The following ZNF808 variants were observed in gnomAD, a reference collection of about 807,000 sequenced individuals.
ZNF808 encodes the protein zinc finger protein 808.
Under a neutral mutation model 8.7 loss-of-function variants are expected in ZNF808, and 5 were observed. That is an observed-to-expected ratio of 0.58 (90% CI 0.30 to 1.21). The LOEUF (loss-of-function observed/expected upper bound fraction) is 1.21. Ranked by LOEUF, ZNF808 falls within the 50% of genes most tolerant of loss-of-function variation. ZNF808 has a pLI of 0.07. For synonymous variants in ZNF808, 380 were observed against 366.0 expected (o/e 1.04, Z -0.44); for missense variants, 1,103 against 1,098.4 (o/e 1.00, Z -0.06).
chr19:52,536,958 G>A (rs570938691), intron 2 of ZNF808, among the ~76,000 whole-genome samples: 1 of 151,768 alleles, frequency 6.6e-6, no homozygotes, highest in African/African-American at 2.4e-5. Context: ...AAGCTTAGGC[G>A]GGCGGATCAC....
intron 2 of ZNF808, among the ~76,000 whole-genome samples, chr19:52,535,054 G>A (rs1468481495): frequency 6.6e-6 from 1 of 151,442 alleles, no homozygotes; most frequent in Admixed American, 6.6e-5. Context: ...AAAAAAGGCT[G>A]GGCGGGGTGG....
chr19:52,553,332 C>G lies in ZNF808; in HGVS notation c.416C>G (p.Thr139Arg), dbSNP rs1179969542. 3 of 1,613,922 alleles carry G rather than the reference C, an allele frequency of 1.9e-6. No individual in the cohort carries two copies. The highest frequency in any genetic ancestry group is 2.5e-6 in the Non-Finnish European group (3 of 1,179,964). The change falls in exon 5 of 5, where the codon ACA (threonine) becomes AGA (arginine). Residue 139 changes from threonine (T) to arginine (R), a missense_variant. Transcript: ENST00000359798. ...AAAATAAAAAAGTTGACTGGTAGCA[C>G]AGACCAACATGATCACAGGCATGCT... ...TTKIKKLTGS[T>R]DQHDHRHAGN...
downstream of ZNF808, among the ~76,000 whole-genome samples, chr19:52,566,734 T>C (rs1334986375): frequency 6.6e-6 from 1 of 152,070 alleles, no homozygotes; most frequent in African/African-American, 2.4e-5. Flanking sequence ...GTGACAAAGT[T>C]CAAGTCCATT....
At chr19:52,533,659 G>A (rs1166616432) in intron 2 of ZNF808, among the ~76,000 whole-genome samples, 13 of 151,434 alleles carry the variant, frequency 8.6e-5, no homozygotes, top group South Asian at 2.1e-4. Context: ...GTTCGACACC[G>A]CCTGACAAAC....
At chr19:52,560,906 T>C (rs73578252), downstream of ZNF808, among the ~76,000 whole-genome samples, 12,389 of 152,166 alleles carry the variant, frequency 0.081, 554 homozygotes, top group Middle Eastern at 0.16. Flanking sequence ...TTCCAGCCTA[T>C]TGATTTTGTA....
intron 4 of ZNF808, among the ~76,000 whole-genome samples, chr19:52,550,746 C>T (rs977146907): frequency 6.6e-6 from 1 of 152,106 alleles, no homozygotes; most frequent in Admixed American, 6.6e-5. Context: ...GTCTTGAACT[C>T]CCAACCTCAG....
chr19:52,546,962 T>C (rs1034376870), intron 3 of ZNF808, among the ~76,000 whole-genome samples: 1 of 149,896 alleles, frequency 6.7e-6, no homozygotes, highest in African/African-American at 2.5e-5. Flanking sequence ...TTTTTTTTTT[T>C]TTTTAGATGG....
intron 1 of ZNF808, among the ~76,000 whole-genome samples, chr19:52,528,781 G>T (rs1006264073): frequency 7.9e-5 from 12 of 152,080 alleles, no homozygotes; most frequent in Admixed American, 7.2e-4. Flanking sequence ...TCAGGGAAGA[G>T]AGAATTTAAC....
chr19:52,528,956 A>T (rs993493071), intron 1 of ZNF808, among the ~76,000 whole-genome samples: 3 of 151,982 alleles, frequency 2.0e-5, no homozygotes, highest in African/African-American at 7.3e-5. Context: ...GGGGATAAAC[A>T]GCAGAAGAGA....
chr19:52,546,571 C>G (rs2059722321), intron 3 of ZNF808, among the ~76,000 whole-genome samples: 1 of 151,354 alleles, frequency 6.6e-6, no homozygotes, highest in South Asian at 2.1e-4. Context: ...CTTAGTTCAT[C>G]TAGAGACTAA....
downstream of ZNF808, among the ~76,000 whole-genome samples, chr19:52,564,925 C>A (rs997549061): frequency 2.0e-5 from 3 of 151,806 alleles, no homozygotes; most frequent in Admixed American, 6.6e-5. Context: ...TCTCTACTAA[C>A]AATACAAAAA....
exon 4 of ZNF808, chr19:52,564,062 CT>C (rs757951385): frequency 6.4e-6 from 4 of 623,364 alleles, no homozygotes; most frequent in Non-Finnish European, 1.2e-5. Flanking sequence ...GTGTGCTTGA[CT>C]CCACTTCTTG....
chr19:52,536,745 G>A (rs1268921988), intron 2 of ZNF808, among the ~76,000 whole-genome samples: 1 of 152,156 alleles, frequency 6.6e-6, no homozygotes, highest in Non-Finnish European at 1.5e-5. Context: ...GAGGACACCG[G>A]GGGATCTGGG....
At chr19:52,560,823 C>G (rs539939302), downstream of ZNF808, among the ~76,000 whole-genome samples, 36 of 152,136 alleles carry the variant, frequency 2.4e-4, no homozygotes, top group Non-Finnish European at 4.3e-4. Context: ...CCATTCCTGC[C>G]CTCCACCCTT....
Position 52,554,601 on chromosome 19 carries a change from C to T in ZNF808, c.1685C>T (p.Thr562Ile). The change falls in exon 5 of 5, where the codon ACT becomes ATT. Residue 562 changes from threonine (T) to isoleucine (I), a missense_variant. Physicochemically the swap from Thr to Ile is moderately conservative, Grantham distance 89. Coordinates refer to ENST00000359798, the MANE Select transcript of ZNF808 (RefSeq NM_001039886.4). ...CTGGCTGTACATACTAGAATTCACA[C>T]TGCAAAGAAACCTTACAAGTGTAAT... is the stretch of plus-strand genomic sequence containing the variant. ...SVLAVHTRIH[T>I]AKKPYKCNEC... The T allele has an allele frequency of 6.2e-7, 1 of 1,613,588 alleles. No individual in the cohort carries two copies. The highest frequency in any genetic ancestry group is 8.5e-7 in the Non-Finnish European group (1 of 1,179,752).
At chr19:52,568,338 C>A (rs1352818479), downstream of ZNF808, among the ~76,000 whole-genome samples, 1 of 152,252 alleles carries the variant, frequency 6.6e-6, no homozygotes, top group Non-Finnish European at 1.5e-5. Context: ...CACATCACTG[C>A]ATTCCAGCCT....
chr19:52,544,131 C>T (rs2059698838), intron 3 of ZNF808, among the ~76,000 whole-genome samples: 1 of 152,020 alleles, frequency 6.6e-6, no homozygotes, highest in South Asian at 2.1e-4. Context: ...TGCACTCCAG[C>T]CTGGGAGATG....
In ZNF808 at chr19:52,555,826, A is replaced by G. The variant is rs2059831446; in HGVS notation, c.*198A>G. On this transcript the variant is annotated 3_prime_UTR_variant, in exon 5 of 5. Transcript: ENST00000359798. The stretch of plus-strand genomic sequence containing the variant: ...ATGATTGAGGCAAGGTCTTCAGTCA[A>G]GCTTCATCCTATGCAAAACAGGAGA... 1 of 839,296 alleles carries G rather than the reference A, an allele frequency of 1.2e-6. No individual in the cohort carries two copies. Among genetic ancestry groups the G allele is most frequent in the Admixed American group, 2.0e-5 (1 of 50,826 alleles). 52.0% of individuals were successfully genotyped at this position (839,296 alleles called of 1,614,324 possible). A position where few individuals can be genotyped will look rare whatever the true frequency, so the allele number is the denominator to read the frequency against.
At chr19:52,540,384 TA>T (rs2059659181) in intron 2 of ZNF808, among the ~76,000 whole-genome samples, 1 of 152,236 alleles carries the variant, frequency 6.6e-6, no homozygotes, top group South Asian at 2.1e-4. Context: ...CTGTATTTTT[TA>T]ACCATTTTAA....
Sources: allele counts gnomAD v4.1 joint callset (sites outside exome capture counted in the v4.1 genomes callset), GRCh38; gene constraint gnomAD v4.1.1; transcripts MANE v1.5; gene names NCBI Gene and HGNC (gene_info 2026-07-23, HGNC 2026-07-21).